GNB5: variants seen among roughly 807,000 people sequenced by gnomAD.
The protein encoded by GNB5 is G protein subunit beta 5.
Under a neutral mutation model 55.3 loss-of-function variants are expected in GNB5, and 37 were observed. The ratio of observed to expected loss-of-function variants is 0.67; its 90% CI spans 0.51 to 0.88. GNB5 has a LOEUF of 0.88. Among genes scored for constraint, GNB5 ranks in the 40% least tolerant of loss-of-function variants. The pLI is 0.00. For synonymous variants in GNB5, 219 were observed against 198.5 expected, an observed-to-expected ratio of 1.10 and a Z score of -0.87; for missense variants, 476 against 515.3, an observed-to-expected ratio of 0.92 and a Z score of 0.74.
rs891704340 is a variant in GNB5 at position 52,154,030 on chromosome 15, C to T, written c.285G>A (p.Met95Ile). 6.2e-7 allele frequency: 1 copy of T among 1,614,054 alleles called. No individual in the cohort carries two copies. Among genetic ancestry groups the T allele is most frequent in the African/African-American group, 1.3e-5 (1 of 74,940 alleles). ...GGCCTTTGAGGGTCCTTCTGGTCTT[C>T]ATGACAAACTGCCCCAGGGCCTCCA... is the stretch of plus-strand genomic sequence containing the variant. ...ERVEALGQFV[M>I]KTRRTLKGHG... The change falls in exon 4 of 13, where the codon ATG becomes ATA. Residue 95 changes from methionine to isoleucine, a missense_variant. Physicochemically the swap from Met to Ile is conservative, Grantham distance 10 (BLOSUM62 1). Coordinates refer to ENST00000261837, the MANE Select transcript of GNB5 (RefSeq NM_016194.4).
intron 10 of GNB5, 59 bp from the exon 11 acceptor site, chr15:52,126,103 A>G: frequency 1.2e-6 from 1 of 807,590 alleles, no homozygotes. Flanking sequence ...TGACGTGATG[A>G]CCACAGAGCT....
At chr15:52,135,474 T>G in intron 8 of GNB5, 139 bp downstream of exon 8, 3 of 751,348 alleles carry the variant, frequency 4.0e-6, no homozygotes, top group Non-Finnish European at 6.6e-6. Flanking sequence ...GAGCTGGGGG[T>G]TTAGTGGGGA....
rs2033147130 is a variant in GNB5 at position 52,116,714 on chromosome 15, A to G, written c.*6043T>C. 6.6e-6 allele frequency: 1 copy of G among 152,132 alleles called. No homozygotes were observed. Among genetic ancestry groups the G allele is most frequent in the Non-Finnish European group, 1.5e-5 (1 of 68,016 alleles). 9.4% of individuals were successfully genotyped at this position (152,132 alleles called of 1,614,324 possible). The stretch of plus-strand genomic sequence containing the variant: ...ATGCCTAATACCAAAAATGATCACA[A>G]AAGATTCTGCAAAAATTACAACCTT... On this transcript the variant is annotated 3_prime_UTR_variant, in exon 13 of 13. Transcript: ENST00000261837.
At chr15:52,136,176 T>G (rs866118409) in intron 7 of GNB5, among the ~76,000 whole-genome samples, 3 of 58,966 alleles carry the variant, frequency 5.1e-5, no homozygotes, top group African/African-American at 3.1e-4. Context: ...ACACACACCC[T>G]ACCTGCTGTA....
chr15:52,190,010 C>T (rs2034896749), intron 1 of GNB5, among the ~76,000 whole-genome samples: 1 of 151,666 alleles, frequency 6.6e-6, no homozygotes, highest in South Asian at 2.1e-4. Context: ...GAGTCAGTGG[C>T]AATGGTTGCA....
At chr15:52,147,968 G>A (rs560319186) in intron 5 of GNB5, among the ~76,000 whole-genome samples, 4 of 152,176 alleles carry the variant, frequency 2.6e-5, no homozygotes, top group South Asian at 2.1e-4. Flanking sequence ...GAAGTGGTAC[G>A]GGGTAAAGAT....
At position 52,153,939 on chromosome 15, in the gene GNB5, C is replaced by T. The variant is rs886041055; in HGVS notation, c.375+1G>A. ...CCTGTTATGCAGCAGGTGTGACATA[C>T]CTGTGACGAGCTCACGATCCTCCTC... On this transcript the variant is annotated splice_donor_variant, in intron 4 of 12. Coordinates refer to ENST00000261837, the MANE Select transcript of GNB5 (RefSeq NM_016194.4). LOFTEE classifies it high-confidence loss of function. 2 of 1,611,340 alleles carry T rather than the reference C, an allele frequency of 1.2e-6. No homozygotes were observed. The highest frequency in any genetic ancestry group is 1.7e-6 in the Non-Finnish European group (2 of 1,178,026).
intron 3 of GNB5, among the ~76,000 whole-genome samples, chr15:52,163,340 C>A (rs542695583): frequency 6.6e-6 from 1 of 152,170 alleles, no homozygotes; most frequent in Non-Finnish European, 1.5e-5. Context: ...CCATCTATTC[C>A]CCTAGGAAGG....
At chr15:52,139,999 T>A in intron 7 of GNB5, 5 of 1,223,202 alleles carry the variant, frequency 4.1e-6, no homozygotes, top group Non-Finnish European at 5.3e-6. Context: ...TTTTGGCCAC[T>A]GCACCAGTCA....
At chr15:52,154,874 A>T (rs1318936593) in intron 3 of GNB5, among the ~76,000 whole-genome samples, 1 of 152,236 alleles carries the variant, frequency 6.6e-6, no homozygotes, top group East Asian at 1.9e-4. Context: ...AGGAGATCCA[A>T]AAGTCAATCT....
At chr15:52,137,302 A>G in intron 7 of GNB5, 1 of 1,112,304 alleles carries the variant, frequency 9.0e-7, no homozygotes, top group South Asian at 2.2e-5. Flanking sequence ...CCAGGTGTGC[A>G]CACAGGAGGG....
intron 3 of GNB5, among the ~76,000 whole-genome samples, chr15:52,179,510 C>T (rs1345710629): frequency 3.3e-5 from 5 of 151,972 alleles, no homozygotes; most frequent in Non-Finnish European, 5.9e-5. Context: ...TAGCTAGTCC[C>T]GCGGTCCTCC....
At chr15:52,126,235 C>T (rs2033425919) in intron 10 of GNB5, 191 bp from the exon 11 acceptor site, 3 of 507,924 alleles carry the variant, frequency 5.9e-6, no homozygotes, top group African/African-American at 1.9e-5. Context: ...AGTAAAGAGT[C>T]CTGATTCCTA....
chr15:52,184,279 C>T (rs1034016096), intron 2 of GNB5, among the ~76,000 whole-genome samples: 2 of 152,170 alleles, frequency 1.3e-5, no homozygotes, highest in South Asian at 4.1e-4. Context: ...GTGCTATTAG[C>T]ATTCCTATTT....
chr15:52,125,836 C>T (rs2033409348), intron 11 of GNB5, 112 bp downstream of exon 11: 2 of 632,634 alleles, frequency 3.2e-6, no homozygotes, highest in Non-Finnish European at 5.8e-6. Flanking sequence ...ATTTCGCATA[C>T]TGGTCCACAG....
chr15:52,179,895 C>CAGCGGAGAGGGAAGCGGAG lies in GNB5; in HGVS notation c.127-35_127-17dup. The stretch of plus-strand genomic sequence containing the variant: ...CGGTTGCCATCTTCGCGCGGGGACG[C>CAGCGGAGAGGGAAGCGGAG]AGCGGAGAGGGAAGCGGAGAGCGGG... On this transcript the variant is annotated splice_polypyrimidine_tract_variant and intron_variant, in intron 2 of 12. Coordinates refer to ENST00000261837, the MANE Select transcript of GNB5 (RefSeq NM_016194.4). 6.6e-7 allele frequency: 1 copy of CAGCGGAGAGGGAAGCGGAG among 1,516,762 alleles called. No individual in the cohort carries two copies. The highest frequency in any genetic ancestry group is 8.8e-7 in the Non-Finnish European group (1 of 1,131,854). The allele number at this position is 1,516,762 out of a possible 1,614,324, so 94.0% of individuals were successfully genotyped here. A position where few individuals can be genotyped will look rare whatever the true frequency, so the allele number is the denominator to read the frequency against.
At chr15:52,171,841 T>C (rs2034560240) in intron 3 of GNB5, among the ~76,000 whole-genome samples, 1 of 152,220 alleles carries the variant, frequency 6.6e-6, no homozygotes, top group South Asian at 2.1e-4. Flanking sequence ...TTAGAATAGA[T>C]AGAAAAGTTA....
intron 7 of GNB5, 103 bp downstream of exon 7, chr15:52,141,037 C>T: frequency 1.1e-6 from 1 of 899,288 alleles, no homozygotes; most frequent in South Asian, 1.5e-5. Context: ...ACTACTGGAG[C>T]ACAGCCATCT....
At chr15:52,132,460 C>A (rs1209782881) in intron 9 of GNB5, among the ~76,000 whole-genome samples, 1 of 151,750 alleles carries the variant, frequency 6.6e-6, no homozygotes, top group Non-Finnish European at 1.5e-5. Context: ...ATTCTCCATA[C>A]AGCCAGTGAT....
Sources: gnomAD v4.1 joint callset for allele counts (sites outside exome capture counted in the v4.1 genomes callset) on GRCh38, gnomAD v4.1.1 for gene constraint, MANE v1.5 for transcripts, NCBI Gene and HGNC (gene_info 2026-07-23, HGNC 2026-07-21) for gene names.